Variants in PCNX2 observed in about 807,000 individuals in gnomAD.
PCNX2 encodes pecanex-like protein 2.
In PCNX2, 168 loss-of-function variants were observed where a neutral mutation model predicts 223.8. The ratio of observed to expected loss-of-function variants is 0.75; its 90% CI spans 0.66 to 0.85. PCNX2 has a LOEUF of 0.85. Ranked by LOEUF, PCNX2 falls within the 40% of genes least tolerant of loss-of-function variation. PCNX2 has a pLI of 0.00. For missense variants in PCNX2, 2,507 were observed against 2,675.5 expected (o/e 0.94, Z 1.39); for synonymous variants, 1,006 against 1,052.6 (o/e 0.96, Z 0.86).
intron 1 of PCNX2, among the ~76,000 whole-genome samples, chr1:233,276,031 A>AAAAAAAG (rs1660894438): frequency 6.6e-6 from 1 of 151,606 alleles, no homozygotes. Context: ...CTGTCTCCAA[A>AAAAAAAG]AAAAAAAGAA....
intron 21 of PCNX2, among the ~76,000 whole-genome samples, chr1:233,124,479 G>A (rs1675988346): frequency 6.6e-6 from 1 of 152,178 alleles, no homozygotes; most frequent in Non-Finnish European, 1.5e-5. Flanking sequence ...ATAATGTAGG[G>A]ATGCTATGAC....
chr1:233,238,575 C>G lies in PCNX2; in HGVS notation c.2223-1595G>C, dbSNP rs569288808. Among the ~76,000 whole-genome samples the G allele has an allele frequency of 5.1e-4, 77 of 152,090 alleles. 1 individual carries two copies. The highest frequency in any genetic ancestry group is 1.6e-3 in the African/African-American group (67 of 41,488). ...GGGCATGGTGGCACATGCCTGTAGT[C>G]CCAGCTACTTGGGAGGCTGAGGTGG... On this transcript the variant is annotated intron_variant, in intron 8 of 33. Coordinates refer to ENST00000258229, the MANE Select transcript of PCNX2 (RefSeq NM_014801.4).
intron 21 of PCNX2, among the ~76,000 whole-genome samples, chr1:233,130,628 G>A (rs1185550287): frequency 6.6e-6 from 1 of 151,898 alleles, no homozygotes; most frequent in Non-Finnish European, 1.5e-5. Flanking sequence ...GGGAGTACAG[G>A]TGCCCGCCAC....
At chr1:233,317,710 G>C in the PCNX2 span, among the ~76,000 whole-genome samples, 1,742 of 152,204 alleles carry the variant, frequency 0.011, 15 homozygotes, top group Non-Finnish European at 0.017. Context: ...TGAATTTTCT[G>C]TTTCAATAAG....
At chr1:233,148,711 C>T (rs1364400393) in intron 19 of PCNX2, among the ~76,000 whole-genome samples, 1 of 152,156 alleles carries the variant, frequency 6.6e-6, no homozygotes, top group East Asian at 1.9e-4. Context: ...CTTAATTTCA[C>T]TTTAATTCTT....
upstream of PCNX2, among the ~76,000 whole-genome samples, chr1:233,299,777 G>A (rs1055979317): frequency 6.6e-5 from 10 of 152,276 alleles, no homozygotes; most frequent in African/African-American, 1.2e-4. Flanking sequence ...GGCTAAACCC[G>A]CCTGGAAGTT....
chr1:233,258,060 G>C lies in PCNX2; in HGVS notation c.1802C>G (p.Ala601Gly), dbSNP rs540927230. 4.3e-6 allele frequency: 7 copies of C among 1,613,936 alleles called. No homozygotes were observed. The South Asian group carries it at 6.6e-5, about 15-fold the overall frequency. The change falls in exon 5 of 34, where the codon GCT becomes GGT. Residue 601 changes from alanine to glycine, a missense_variant. Ala to Gly is a moderately conservative substitution (Grantham distance 60, BLOSUM62 0). Transcript: ENST00000258229. ...AAGCCCACTTTCTTCATTCTGCTCA[G>C]CTGAGCCATTCAGTTGACTGGATGC... The part of the protein sequence containing the change: ...MTASSQLNGS[A>G]EQNEESGLLR...
At chr1:233,286,101 C>G (rs1372428845) in intron 1 of PCNX2, among the ~76,000 whole-genome samples, 6 of 152,132 alleles carry the variant, frequency 3.9e-5, no homozygotes, top group Admixed American at 2.0e-4. Flanking sequence ...GTTACATGAT[C>G]CTAAATTCCT....
chr1:233,320,265 A>C, the PCNX2 span, among the ~76,000 whole-genome samples: 1 of 152,214 alleles, frequency 6.6e-6, no homozygotes, highest in Non-Finnish European at 1.5e-5. Context: ...AATCATGCAT[A>C]ATTACCATAC....
rs375829190 is a variant in PCNX2 at position 233,034,350 on chromosome 1, A to G, written c.4352-8951T>C. 1.8e-4 allele frequency among the ~76,000 whole-genome samples: 28 copies of G among 152,284 alleles called. No homozygotes were observed. In the South Asian group the frequency reaches 5.4e-3, roughly 29 times the overall value. ...CTTGCTCTCTCTCTGTTATGTGAGG[A>G]CACTGCAGAAAGATGGCTGTCTGCA... On this transcript the variant is annotated intron_variant, in intron 25 of 33. Transcript: ENST00000258229.
At chr1:233,242,986 G>C (rs546368980) in intron 8 of PCNX2, among the ~76,000 whole-genome samples, 1 of 152,338 alleles carries the variant, frequency 6.6e-6, no homozygotes, top group South Asian at 2.1e-4. Context: ...GGGGAAAGCA[G>C]AACTGTGTTA....
At chr1:233,261,655 A>G (rs956442997) in intron 3 of PCNX2, among the ~76,000 whole-genome samples, 1 of 152,236 alleles carries the variant, frequency 6.6e-6, no homozygotes, top group Non-Finnish European at 1.5e-5. Context: ...TTGACTTCCC[A>G]AAAAGACAAG....
intron 1 of PCNX2, chr1:233,291,873 G>A (rs1487878835): frequency 9.1e-6 from 9 of 984,448 alleles, no homozygotes; most frequent in Non-Finnish European, 1.1e-5. Flanking sequence ...TTTGACATGA[G>A]GCTAGTGCTC....
rs1165936744 is a variant in PCNX2, at chr1:233,253,288, A to G, written c.1835-500T>C. On this transcript the variant is annotated intron_variant, in intron 5 of 33. Coordinates refer to ENST00000258229, the MANE Select transcript of PCNX2 (RefSeq NM_014801.4). The surrounding 1 kb of genome is among the most constrained non-coding windows in gnomAD (Gnocchi z 4.2). ...CTAAAGCTAGAATTGTCCCCTTCATAAAGCAAATACTTGTTAAGTATAGCT... is the reference window on the plus strand; with the variant it reads ...CTAAAGCTAGAATTGTCCCCTTCATGAAGCAAATACTTGTTAAGTATAGCT... Among the ~76,000 whole-genome samples the G allele has an allele frequency of 6.6e-6, 1 of 152,232 alleles. No individual in the cohort carries two copies. The highest frequency in any genetic ancestry group is 1.5e-5 in the Non-Finnish European group (1 of 68,032).
chr1:233,049,250 T>G (rs1414145362), intron 25 of PCNX2, among the ~76,000 whole-genome samples: 1 of 152,108 alleles, frequency 6.6e-6, no homozygotes, highest in South Asian at 2.1e-4. Context: ...AAACTACTAG[T>G]AAACCAAATT....
intron 1 of PCNX2, chr1:233,289,082 C>CA (rs1661610098): frequency 9.7e-7 from 1 of 1,029,946 alleles, no homozygotes. Flanking sequence ...GCACAGCTGT[C>CA]AGAGTATGGC....
At position 233,095,920 on chromosome 1, in the gene PCNX2, C is replaced by T; in HGVS notation, c.3838-57G>A. 2.4e-6 allele frequency: 3 copies of T among 1,270,028 alleles called. 1 individual carries two copies. The South Asian group carries it at 4.0e-5, about 17-fold the overall frequency. The allele number at this position is 1,270,028 out of a possible 1,614,324, so 78.7% of individuals were successfully genotyped here. Reference sequence around the variant, plus strand: ...AGGACAATGACAACAGTGGTAACTGCATCAAGGTCACTTAAAGGACATTTG... The same window carrying T: ...AGGACAATGACAACAGTGGTAACTGTATCAAGGTCACTTAAAGGACATTTG... On this transcript the variant is annotated intron_variant, in intron 21 of 33. Transcript: ENST00000258229.
chr1:233,095,947 C>T (rs1435310334), intron 21 of PCNX2, 84 bp from the exon 22 acceptor site: 8 of 1,032,844 alleles, frequency 7.7e-6, no homozygotes, highest in Non-Finnish European at 1.2e-5. Flanking sequence ...GGACATTTGT[C>T]AAGGTTAGGA....
chr1:233,141,482 C>G (rs990103068), intron 19 of PCNX2, among the ~76,000 whole-genome samples: 1 of 152,190 alleles, frequency 6.6e-6, no homozygotes, highest in African/African-American at 2.4e-5. Flanking sequence ...GCCTGGCCAA[C>G]ATGGCGAAAT....
Sources: gnomAD v4.1 joint callset for allele counts (sites outside exome capture counted in the v4.1 genomes callset) on GRCh38, gnomAD v4.1.1 for gene constraint, Gnocchi (gnomAD v3.1) non-coding constraint, MANE v1.5 for transcripts, NCBI Gene and HGNC (gene_info 2026-07-23, HGNC 2026-07-21) for gene names.